ZFP14: variants seen among roughly 807,000 people sequenced by gnomAD.
ZFP14 encodes ZFP14 zinc finger protein.
In ZFP14, 22 loss-of-function variants were observed where a neutral mutation model predicts 54.5. The observed-to-expected ratio is 0.40, with a 90% CI of 0.29 to 0.58. ZFP14 has a LOEUF of 0.58. Ranked by LOEUF, ZFP14 falls within the 20% of genes least tolerant of loss-of-function variation. The pLI is 0.39. For synonymous variants in ZFP14, 159 were observed against 204.0 expected (o/e 0.78, Z 1.88); for missense variants, 470 against 637.8 (o/e 0.74, Z 2.83).
At chr19:36,351,336 TAA>T (rs1327822545) in intron 4 of ZFP14, among the ~76,000 whole-genome samples, 1 of 139,070 alleles carries the variant, frequency 7.2e-6, no homozygotes, top group Non-Finnish European at 1.6e-5. Flanking sequence ...CCGTCTCTAC[TAA>T]AAACTACAAA....
intron 3 of ZFP14, 136 bp downstream of exon 3, chr19:36,361,976 G>T: frequency 1.0e-6 from 1 of 960,596 alleles, no homozygotes; most frequent in Non-Finnish European, 1.5e-6. Flanking sequence ...TGATGAAATG[G>T]AGAGGCCTAG....
rs1262984545 is a variant in ZFP14 at position 36,355,853 on chromosome 19, CT to C, written c.235+4581del. ...TCTAGAATTGTGAGAAAATACATAT[CT>C]GGTGTTTAAGCCACCCAGACTATGG... is the stretch of plus-strand genomic sequence containing the variant. On this transcript the variant is annotated intron_variant, in intron 4 of 4. Coordinates refer to ENST00000270001, the MANE Select transcript of ZFP14 (RefSeq NM_020917.3). Among the ~76,000 whole-genome samples, 11 of 142,040 alleles carry C rather than the reference CT, an allele frequency of 7.7e-5. 3 individuals carry two copies. The highest frequency in any genetic ancestry group is 1.4e-4 in the Non-Finnish European group (9 of 64,130). The allele number at this position is 142,040 out of a possible 152,430, so 93.2% of individuals were successfully genotyped here. A position where few individuals can be genotyped will look rare whatever the true frequency, so the allele number is the denominator to read the frequency against.
chr19:36,342,070 TG>T (rs2031327635), intron 4 of ZFP14, among the ~76,000 whole-genome samples: 1 of 151,678 alleles, frequency 6.6e-6, no homozygotes, highest in Non-Finnish European at 1.5e-5. Flanking sequence ...TTAGCCAGGA[TG>T]GTATCGATCT....
chr19:36,334,765 G>A lies in ZFP14; in HGVS notation c.*5459C>T, dbSNP rs1054504110. On this transcript the variant is annotated 3_prime_UTR_variant, in exon 5 of 5. Transcript: ENST00000270001. ...AAAGCTGTTCCTATTCCAGATATTCGGACTGAGAATTCCACAATAAATTTG... is the reference window on the plus strand; with the variant it reads ...AAAGCTGTTCCTATTCCAGATATTCAGACTGAGAATTCCACAATAAATTTG... 2 of 152,070 alleles carry A rather than the reference G, an allele frequency of 1.3e-5. No individual in the cohort carries two copies. The highest frequency in any genetic ancestry group is 2.9e-5 in the Non-Finnish European group (2 of 68,018). The allele number at this position is 152,070 out of a possible 1,614,324, so 9.4% of individuals were successfully genotyped here. A position where few individuals can be genotyped will look rare whatever the true frequency, so the allele number is the denominator to read the frequency against.
In ZFP14 at chr19:36,362,201, G is replaced by A; in HGVS notation, c.47C>T (p.Ser16Leu). The A allele has an allele frequency of 6.2e-7, 1 of 1,612,896 alleles. No individual in the cohort carries two copies. Residue 16 changes from serine (S) to leucine (L), a missense_variant, in exon 3 of 5, where the codon TCA (serine) becomes TTA (leucine). Transcript: ENST00000270001. The stretch of plus-strand genomic sequence containing the variant: ...ATCCAGGAATTCCCATTCTTCCTGT[G>A]AGAAGTCTATGGCCACATCCCTGAA... Reference protein sequence around the residue: ...VTFRDVAIDFSQEEWEFLDPA... With the variant: ...VTFRDVAIDFLQEEWEFLDPA...
At chr19:36,376,319 G>A (rs1485605383) in intron 1 of ZFP14, among the ~76,000 whole-genome samples, 1 of 152,124 alleles carries the variant, frequency 6.6e-6, no homozygotes, top group African/African-American at 2.4e-5. Flanking sequence ...GGCCAACACA[G>A]GCGGATCACT....
At chr19:36,369,384 G>A (rs545322630) in intron 1 of ZFP14, among the ~76,000 whole-genome samples, 16 of 152,004 alleles carry the variant, frequency 1.1e-4, no homozygotes, top group East Asian at 1.9e-4. Flanking sequence ...TAAAAAGCCC[G>A]TTTCTTTTTT....
At chr19:36,359,445 C>T (rs1383025323) in intron 4 of ZFP14, among the ~76,000 whole-genome samples, 1 of 152,028 alleles carries the variant, frequency 6.6e-6, no homozygotes, top group African/African-American at 2.4e-5. Flanking sequence ...ATAGAATTCA[C>T]CAGTGAAACC....
Position 36,340,128 on chromosome 19 carries a change from A to G in ZFP14, c.*96T>C. ...CAACATATTCTTTCTCTAATATAAA[A>G]TTTATTATGCTTGGAATTGAGCATG... On this transcript the variant is annotated 3_prime_UTR_variant, in exon 5 of 5. Transcript: ENST00000270001. The surrounding 1 kb of genome is among the most constrained non-coding windows in gnomAD (Gnocchi z 5.4). 5 of 1,284,238 alleles carry G rather than the reference A, an allele frequency of 3.9e-6. No homozygotes were observed. The highest frequency in any genetic ancestry group is 5.2e-6 in the Non-Finnish European group (5 of 968,644). The allele number at this position is 1,284,238 out of a possible 1,614,324, so 79.6% of individuals were successfully genotyped here.
chr19:36,372,910 C>T (rs781397444), intron 1 of ZFP14, among the ~76,000 whole-genome samples: 7 of 152,142 alleles, frequency 4.6e-5, no homozygotes, highest in East Asian at 1.9e-4. Flanking sequence ...TCTGGAAGGA[C>T]GTTATGTTAA....
At chr19:36,368,305 C>T (rs897323521) in intron 1 of ZFP14, among the ~76,000 whole-genome samples, 1 of 152,138 alleles carries the variant, frequency 6.6e-6, no homozygotes, top group Non-Finnish European at 1.5e-5. Context: ...CCTGCCTCTA[C>T]TAAAAATACA....
chr19:36,341,063 GT>G lies in ZFP14; in HGVS notation c.762del (p.Lys254AsnfsTer126). On this transcript the variant is annotated frameshift_variant, in exon 5 of 5. Coordinates refer to ENST00000270001, the MANE Select transcript of ZFP14 (RefSeq NM_020917.3). LOFTEE classifies it high-confidence loss of function. The surrounding 1 kb of genome is among the most constrained non-coding windows in gnomAD (Gnocchi z 4.2). ...TQHQRLHTGEKPYECKECGKA... is the reference protein window; with the variant it reads ...TQHQRLHTGEXPYECKECGKA... ...TTTCCACATTCCTTACATTCATAGG[GT>G]TTTTCACCCGTATGAAGTCTCTGAT... 6.2e-7 allele frequency: 1 copy of G among 1,613,964 alleles called. No individual in the cohort carries two copies. Among genetic ancestry groups the G allele is most frequent in the Non-Finnish European group, 8.5e-7 (1 of 1,179,986 alleles).
Position 36,352,010 on chromosome 19 carries a change from C to T in ZFP14, c.235+8425G>A, listed in dbSNP as rs1210773561. Among the ~76,000 whole-genome samples, 4 of 142,206 alleles carry T rather than the reference C, an allele frequency of 2.8e-5. 1 individual carries two copies. The highest frequency in any genetic ancestry group is 1.4e-4 in the Admixed American group (2 of 13,844). The allele number at this position is 142,206 out of a possible 152,430, so 93.3% of individuals were successfully genotyped here. On this transcript the variant is annotated intron_variant, in intron 4 of 4. Transcript: ENST00000270001. Reference sequence around the variant, plus strand: ...CATCCTGGCTAACATGGTGAAACCCCGTCTCTACTAAAAATACAAAAAAAT... The same window carrying T: ...CATCCTGGCTAACATGGTGAAACCCTGTCTCTACTAAAAATACAAAAAAAT...
chr19:36,352,805 G>A (rs1237371177), intron 4 of ZFP14, among the ~76,000 whole-genome samples: 3 of 142,326 alleles, frequency 2.1e-5, no homozygotes. Flanking sequence ...GCCGGGCGTG[G>A]TGGCAGGCGC....
At chr19:36,342,150 C>T (rs1267746755) in intron 4 of ZFP14, among the ~76,000 whole-genome samples, 4 of 149,992 alleles carry the variant, frequency 2.7e-5, no homozygotes, top group East Asian at 2.0e-4. Flanking sequence ...CCACTGCGCC[C>T]GGCGAGGACC....
intron 1 of ZFP14, among the ~76,000 whole-genome samples, chr19:36,375,714 T>C (rs1217487451): frequency 2.6e-5 from 4 of 152,080 alleles, no homozygotes; most frequent in Non-Finnish European, 4.4e-5. Context: ...CCCGCCACCA[T>C]GCCCGGGTAA....
intron 4 of ZFP14, among the ~76,000 whole-genome samples, chr19:36,349,383 G>A (rs1050952346): frequency 1.1e-4 from 16 of 151,140 alleles, no homozygotes; most frequent in African/African-American, 3.1e-4. Flanking sequence ...TGAATTTACA[G>A]GCTGGGCACA....
intron 4 of ZFP14, among the ~76,000 whole-genome samples, chr19:36,349,695 A>ATG (rs2031491957): frequency 6.9e-6 from 1 of 144,114 alleles, no homozygotes; most frequent in Non-Finnish European, 1.5e-5. Flanking sequence ...ATATATATAT[A>ATG]ATATATATAT....
Position 36,344,359 on chromosome 19 carries a change from T to C in ZFP14, c.236-2769A>G, listed in dbSNP as rs181455636. ...TTCTCCAATTTTTGAATCATATGTT[T>C]ATTAATTTTCTCATATTATTCTGTT... On this transcript the variant is annotated intron_variant, in intron 4 of 4. Transcript: ENST00000270001. Among the ~76,000 whole-genome samples, 5 of 152,334 alleles carry C rather than the reference T, an allele frequency of 3.3e-5. No individual in the cohort carries two copies. In the East Asian group the frequency reaches 7.7e-4, roughly 23 times the overall value.
Sources: gnomAD v4.1 joint callset for allele counts (sites outside exome capture counted in the v4.1 genomes callset) on GRCh38, gnomAD v4.1.1 for gene constraint, Gnocchi (gnomAD v3.1) non-coding constraint, MANE v1.5 for transcripts, NCBI Gene and HGNC (gene_info 2026-07-23, HGNC 2026-07-21) for gene names.